SAP30BP: variants seen among roughly 807,000 people sequenced by gnomAD.
The protein encoded by SAP30BP is SAP30-binding protein.
In SAP30BP, 31 loss-of-function variants were observed where a neutral mutation model predicts 46.3. The observed-to-expected ratio is 0.67, with a 90% confidence interval of 0.50 to 0.90. SAP30BP has a LOEUF of 0.90. Among genes scored for constraint, SAP30BP ranks in the 40% least tolerant of loss-of-function variants. The probability of loss-of-function intolerance (pLI) is 0.00; values close to 1 mark genes in which losing one functional copy is unlikely to be tolerated. For missense variants in SAP30BP, 312 were observed against 391.0 expected (o/e 0.80, Z 1.70); for synonymous variants, 169 against 144.2 (o/e 1.17, Z -1.23).
At chr17:75,670,425 A>G (rs1188032283) in intron 2 of SAP30BP, among the ~76,000 whole-genome samples, 1 of 152,224 alleles carries the variant, frequency 6.6e-6, no homozygotes, top group Admixed American at 6.5e-5. Context: ...TAATATTGAT[A>G]ATTCAGAGTT....
intron 3 of SAP30BP, among the ~76,000 whole-genome samples, chr17:75,687,945 TGTGTGTGTGTGA>T (rs900346133): frequency 5.1e-5 from 5 of 97,612 alleles, no homozygotes; most frequent in African/African-American, 1.0e-4. Flanking sequence ...TGTGTGTGTG[TGTGTGTGTGTGA>T]GAGAGACAGA....
intron 3 of SAP30BP, among the ~76,000 whole-genome samples, chr17:75,676,296 G>A (rs1279766736): frequency 6.6e-6 from 1 of 152,164 alleles, no homozygotes; most frequent in Non-Finnish European, 1.5e-5. Flanking sequence ...GAAAATTGCT[G>A]ATGTACTGAG....
At chr17:75,683,600 T>A (rs1280697063) in intron 3 of SAP30BP, 1 of 152,192 alleles carries the variant, frequency 6.6e-6, no homozygotes, top group Admixed American at 6.5e-5. Flanking sequence ...TCTAATGAAG[T>A]TCTCTGGTGA....
At position 75,706,236 on chromosome 17, in the gene SAP30BP, C is replaced by G; in HGVS notation, c.746-104C>G. Reference sequence around the variant, plus strand: ...AGCACCTTTGGAGTCTGGGGTGGGCCACTTCGGGGTCTGCTCCCTAGACTC... The same window carrying G: ...AGCACCTTTGGAGTCTGGGGTGGGCGACTTCGGGGTCTGCTCCCTAGACTC... On this transcript the variant is annotated intron_variant, in intron 10 of 10. Coordinates refer to ENST00000584667, the MANE Select transcript of SAP30BP (RefSeq NM_013260.8). The surrounding 1 kb of genome is among the most constrained non-coding windows in gnomAD (Gnocchi z 4.6). 1 of 1,547,366 alleles carries G rather than the reference C, an allele frequency of 6.5e-7. No homozygotes were observed. The highest frequency in any genetic ancestry group is 8.7e-7 in the Non-Finnish European group (1 of 1,142,918).
At chr17:75,677,106 CTTTT>C (rs35919373) in intron 3 of SAP30BP, among the ~76,000 whole-genome samples, 1 of 113,488 alleles carries the variant, frequency 8.8e-6, no homozygotes. Context: ...TGGCAGAAAA[CTTTT>C]TTTTTTTTTT....
chr17:75,702,689 T>G (rs541528774), intron 6 of SAP30BP, 118 bp downstream of exon 6: 10 of 534,508 alleles, frequency 1.9e-5, no homozygotes, highest in Non-Finnish European at 3.5e-5. Context: ...CCCAGACTTG[T>G]CATTACACTG....
At chr17:75,692,717 C>T (rs559977989) in intron 3 of SAP30BP, 1 of 156,870 alleles carries the variant, frequency 6.4e-6, no homozygotes, top group South Asian at 2.0e-4. Context: ...ATGTAGCTGT[C>T]ATGGGACACT....
chr17:75,682,572 CTCTA>C (rs1367767311), intron 3 of SAP30BP, among the ~76,000 whole-genome samples: 3 of 152,116 alleles, frequency 2.0e-5, no homozygotes, highest in African/African-American at 7.2e-5. Context: ...CCAGCTTTGT[CTCTA>C]TCTATATATA....
At chr17:75,702,840 C>A in intron 6 of SAP30BP, 1 of 336,234 alleles carries the variant, frequency 3.0e-6, no homozygotes, top group Non-Finnish European at 5.5e-6. Context: ...CTGCTCTGAG[C>A]CTAAAGCACA....
chr17:75,675,443 C>G (rs1286064632), intron 3 of SAP30BP, among the ~76,000 whole-genome samples: 1 of 152,148 alleles, frequency 6.6e-6, no homozygotes. Context: ...GCCACCTCGC[C>G]CGGCCTCTAC....
At chr17:75,692,581 A>G in intron 3 of SAP30BP, 1 of 902,498 alleles carries the variant, frequency 1.1e-6, no homozygotes, top group Non-Finnish European at 1.3e-6. Flanking sequence ...AAGACTTGTG[A>G]CGGAGGGCTT....
At chr17:75,687,630 A>G (rs2060176353) in intron 3 of SAP30BP, among the ~76,000 whole-genome samples, 1 of 151,954 alleles carries the variant, frequency 6.6e-6, no homozygotes, top group Admixed American at 6.6e-5. Context: ...AAAAAAAAAA[A>G]AAAAAGATGA....
At chr17:75,693,319 T>A in intron 3 of SAP30BP, 121 bp from the exon 4 acceptor site, 1 of 785,146 alleles carries the variant, frequency 1.3e-6, no homozygotes. Context: ...AGCTTACCCT[T>A]AGTGTTCCTG....
chr17:75,685,500 T>C (rs563251793), intron 3 of SAP30BP, among the ~76,000 whole-genome samples: 1 of 152,286 alleles, frequency 6.6e-6, no homozygotes, highest in South Asian at 2.1e-4. Flanking sequence ...ATGACCAGTT[T>C]GCATTTCTGT....
chr17:75,694,148 T>C (rs995746058), intron 4 of SAP30BP, among the ~76,000 whole-genome samples: 3 of 152,004 alleles, frequency 2.0e-5, no homozygotes, highest in African/African-American at 7.3e-5. Context: ...CATTACCAGC[T>C]CTCCTGTCCG....
rs776959296 is a variant in SAP30BP, at chr17:75,703,355, G to T, written c.533G>T (p.Gly178Val). 6.2e-7 allele frequency: 1 copy of T among 1,614,094 alleles called. No homozygotes were observed. Among genetic ancestry groups the T allele is most frequent in the Non-Finnish European group, 8.5e-7 (1 of 1,180,016 alleles). Reference protein sequence around the residue: ...LIQFCAIDELGTNYPKDMFDP... With the variant: ...LIQFCAIDELVTNYPKDMFDP... ...CAGTTCTGTGCCATTGACGAGCTTG[G>T]CACCAACTACCCAAAGGTGCGTCTG... The change falls in exon 7 of 11, where the codon GGC becomes GTC. Residue 178 changes from glycine to valine, a missense_variant. By Grantham distance (109) the Gly-to-Val change is moderately radical. This residue lies in a region of SAP30BP where 296 missense variants were observed against 346.6 expected (regional missense o/e 0.85). Coordinates refer to ENST00000584667, the MANE Select transcript of SAP30BP (RefSeq NM_013260.8).
At chr17:75,703,263 G>A (rs769005560) in intron 6 of SAP30BP, 48 bp from the exon 7 acceptor site, 1 of 1,569,818 alleles carries the variant, frequency 6.4e-7, no homozygotes, top group Admixed American at 1.7e-5. Context: ...CAGGTCCCAT[G>A]CAGGGACGTG....
chr17:75,690,890 G>C, intron 3 of SAP30BP: 2 of 391,334 alleles, frequency 5.1e-6, no homozygotes, highest in South Asian at 3.8e-5. Context: ...CTTCTTAGGA[G>C]ACCCTAGTGC....
intron 3 of SAP30BP, chr17:75,690,615 G>C: frequency 4.4e-6 from 2 of 452,406 alleles, no homozygotes; most frequent in South Asian, 3.1e-5. Context: ...CACTGCGCCT[G>C]ACCAAGCGAG....
Sources: gnomAD v4.1 joint callset for allele counts (sites outside exome capture counted in the v4.1 genomes callset) on GRCh38, gnomAD v4.1.1 for gene constraint, gnomAD v4.1.1 regional missense constraint, Gnocchi (gnomAD v3.1) non-coding constraint, MANE v1.5 for transcripts, NCBI Gene and HGNC (gene_info 2026-07-23, HGNC 2026-07-21) for gene names.